STK39: variants seen among roughly 807,000 people sequenced by gnomAD.
The protein encoded by STK39 is STE20/SPS1-related proline-alanine-rich protein kinase.
A neutral mutation model predicts 77.8 loss-of-function variants in STK39; 20 were observed. The observed-to-expected ratio is 0.26, with a 90% CI of 0.18 to 0.37. STK39 has a LOEUF of 0.37. STK39 is among the 10% of genes least tolerant of loss of function. STK39 has a pLI of 1.00. For synonymous variants in STK39, 246 were observed against 234.1 expected (o/e 1.05, Z -0.47); for missense variants, 479 against 656.5 (o/e 0.73, Z 2.95).
chr2:168,007,894 A>G (rs1684171935), intron 16 of STK39, among the ~76,000 whole-genome samples: 1 of 152,220 alleles, frequency 6.6e-6, no homozygotes. Flanking sequence ...AAATCGAACT[A>G]AAAGTCACAT....
At chr2:168,008,939 C>T (rs1684200355) in intron 16 of STK39, among the ~76,000 whole-genome samples, 1 of 152,196 alleles carries the variant, frequency 6.6e-6, no homozygotes, top group Non-Finnish European at 1.5e-5. Flanking sequence ...GACCACGTGT[C>T]CTTTACCTTC....
intron 14 of STK39, among the ~76,000 whole-genome samples, chr2:168,019,707 A>T (rs556712396): frequency 4.1e-4 from 62 of 152,034 alleles, no homozygotes; most frequent in African/African-American, 8.0e-4. Flanking sequence ...TTATTTATTT[A>T]TTTTTTTGAG....
intron 7 of STK39, 93 bp downstream of exon 7, chr2:168,140,196 C>T: frequency 1.8e-6 from 2 of 1,105,722 alleles, no homozygotes; most frequent in Non-Finnish European, 2.8e-6. Flanking sequence ...CTCCTCGGGT[C>T]TAAGAGAAGA....
chr2:168,031,841 T>C (rs1559065528), intron 14 of STK39, among the ~76,000 whole-genome samples: 1 of 152,202 alleles, frequency 6.6e-6, no homozygotes, highest in Non-Finnish European at 1.5e-5. Flanking sequence ...AAGGCAGCCC[T>C]AGCAAACTAA....
intron 16 of STK39, among the ~76,000 whole-genome samples, chr2:167,995,180 T>G (rs55645033): frequency 0.55 from 83,490 of 151,484 alleles, 24,237 homozygotes; most frequent in African/African-American, 0.66. Flanking sequence ...TGCAATCTTG[T>G]CTCACTGCAA....
At chr2:168,112,361 C>A (rs138769696) in intron 10 of STK39, among the ~76,000 whole-genome samples, 1 of 151,940 alleles carries the variant, frequency 6.6e-6, no homozygotes, top group African/African-American at 2.4e-5. Flanking sequence ...CACGGGTCAG[C>A]GGAGGGGGCT....
chr2:168,235,083 G>A (rs1690564056), intron 1 of STK39, among the ~76,000 whole-genome samples: 1 of 150,744 alleles, frequency 6.6e-6, no homozygotes, highest in Non-Finnish European at 1.5e-5. Flanking sequence ...TGTTACCCAG[G>A]CTGGAGTGCA....
At chr2:168,034,810 G>A (rs566687567) in intron 14 of STK39, among the ~76,000 whole-genome samples, 3 of 152,302 alleles carry the variant, frequency 2.0e-5, no homozygotes, top group East Asian at 1.9e-4. Context: ...CTCAACAAAC[G>A]AGCAGCGGGT....
intron 1 of STK39, among the ~76,000 whole-genome samples, chr2:168,238,791 T>C (rs935303674): frequency 1.3e-5 from 2 of 152,232 alleles, no homozygotes; most frequent in Admixed American, 6.5e-5. Context: ...AATTAATATA[T>C]TGAATTCTTG....
chr2:168,178,238 G>A (rs1378685932), intron 2 of STK39, among the ~76,000 whole-genome samples: 1 of 152,164 alleles, frequency 6.6e-6, no homozygotes, highest in Admixed American at 6.5e-5. Context: ...AAGCATCTAT[G>A]TTGGCACAGT....
chr2:168,033,475 C>G (rs1366485543), intron 14 of STK39, among the ~76,000 whole-genome samples: 2 of 152,162 alleles, frequency 1.3e-5, no homozygotes, highest in Non-Finnish European at 2.9e-5. Context: ...TATATAGAAG[C>G]TGTGGCCTAC....
chr2:168,243,198 A>T (rs1051823338), intron 1 of STK39, among the ~76,000 whole-genome samples: 3 of 152,198 alleles, frequency 2.0e-5, no homozygotes, highest in African/African-American at 7.2e-5. Flanking sequence ...TATAAAAACC[A>T]ATTCTAACCC....
intron 4 of STK39, among the ~76,000 whole-genome samples, chr2:168,162,499 A>T (rs1416055672): frequency 6.6e-6 from 1 of 152,120 alleles, no homozygotes. Context: ...ACCAAGTATT[A>T]AAGCCCAGTC....
chr2:167,956,354 C>T (rs910553164), intron 17 of STK39, among the ~76,000 whole-genome samples: 12 of 152,160 alleles, frequency 7.9e-5, no homozygotes, highest in Admixed American at 2.0e-4. Context: ...GTCAGGAGAT[C>T]GAGACCATCC....
intron 17 of STK39, among the ~76,000 whole-genome samples, chr2:167,956,692 A>ACACACC (rs1691782125): frequency 2.2e-5 from 1 of 45,768 alleles, no homozygotes. Context: ...ACACACACAC[A>ACACACC]CACACTCTCT....
chr2:167,997,127 G>A (rs1268423855), intron 16 of STK39, among the ~76,000 whole-genome samples: 2 of 151,070 alleles, frequency 1.3e-5, no homozygotes, highest in Non-Finnish European at 2.9e-5. Context: ...CTCTCTTTGT[G>A]CCAGAGAAGT....
chr2:168,123,403 G>A (rs72872746), intron 10 of STK39, among the ~76,000 whole-genome samples: 4,014 of 152,268 alleles, frequency 0.026, 86 homozygotes, highest in Non-Finnish European at 0.041. Flanking sequence ...CTAGGTAAGA[G>A]AGTATCCTTG....
intron 1 of STK39, among the ~76,000 whole-genome samples, chr2:168,184,759 A>G (rs1178781493): frequency 2.0e-5 from 3 of 152,208 alleles, no homozygotes; most frequent in Non-Finnish European, 2.9e-5. Flanking sequence ...TCAGAATGTA[A>G]TAAGGGTAAA....
chr2:167,974,096 T>A (rs1432439204), intron 16 of STK39, among the ~76,000 whole-genome samples: 1 of 152,150 alleles, frequency 6.6e-6, no homozygotes, highest in African/African-American at 2.4e-5. Context: ...TTAAACAAAT[T>A]TTCATGTAAT....
Sources: gnomAD v4.1 joint callset for allele counts (sites outside exome capture counted in the v4.1 genomes callset) on GRCh38, gnomAD v4.1.1 for gene constraint, MANE v1.5 for transcripts, NCBI Gene and HGNC (gene_info 2026-07-23, HGNC 2026-07-21) for gene names.